The following ADGRV1 variants were observed in gnomAD, a reference collection of about 807,000 sequenced individuals.
The protein encoded by ADGRV1 is adhesion G protein-coupled receptor V1.
Under a neutral mutation model 596.2 loss-of-function variants are expected in ADGRV1, and 359 were observed. That is an observed-to-expected ratio of 0.60 (90% CI 0.55 to 0.66). The LOEUF is 0.66. ADGRV1 is among the 30% of genes least tolerant of loss of function. The pLI, the probability that ADGRV1 is intolerant of heterozygous loss-of-function variation, is 0.00. For synonymous variants in ADGRV1, 2,681 were observed against 2,679.2 expected (o/e 1.00, Z -0.02); for missense variants, 7,274 against 7,575.6 (o/e 0.96, Z 1.48).
chr5:91,017,280 T>C (rs1168353736), intron 85 of ADGRV1, among the ~76,000 whole-genome samples: 14 of 151,948 alleles, frequency 9.2e-5, no homozygotes, highest in Admixed American at 9.2e-4. Context: ...TGTATTCTAA[T>C]GTGAAAGATA....
chr5:90,784,494 G>A (rs1328568561), intron 67 of ADGRV1, among the ~76,000 whole-genome samples: 1 of 152,152 alleles, frequency 6.6e-6, no homozygotes, highest in Non-Finnish European at 1.5e-5. Context: ...AAAATTGGGA[G>A]ACACAATTGC....
intron 82 of ADGRV1, among the ~76,000 whole-genome samples, chr5:90,862,314 GA>G (rs5869526): frequency 1 from 151,956 of 152,092 alleles, 75,910 homozygotes; most frequent in Middle Eastern, 1. Flanking sequence ...GCCTTAAAAT[GA>G]AAAAAACCTT....
At chr5:90,825,810 A>G (rs1234221051) in intron 76 of ADGRV1, 1 of 152,186 alleles carries the variant, frequency 6.6e-6, no homozygotes, top group Non-Finnish European at 1.5e-5. Context: ...TGTTTTCCTA[A>G]CTAGAGAAAT....
At chr5:90,931,161 C>T (rs533300273) in intron 83 of ADGRV1, 3 of 152,174 alleles carry the variant, frequency 2.0e-5, no homozygotes, top group East Asian at 1.9e-4. Flanking sequence ...CAGGCAGATC[C>T]GACAGAATGT....
At chr5:90,630,802 A>G (rs745721423) in intron 9 of ADGRV1, among the ~76,000 whole-genome samples, 6 of 151,966 alleles carry the variant, frequency 3.9e-5, no homozygotes, top group Admixed American at 1.3e-4. Context: ...CCTTTTCTGT[A>G]TGTTATCTTC....
rs747049646 is a variant in ADGRV1, at chr5:90,778,435, C to T, written c.12675C>T (p.Asn4225=). ...SAVIVVIQAL[N]DDIPEEKSFY... is the part of the protein sequence containing the mutation. ...TCTTTGTCTTTTTCTAGGCTTTGAA[C>T]GATGACATTCCCGAGGAAAAAAGCT... The change falls in exon 63 of 90, where the codon AAC becomes AAT. Residue 4225 remains asparagine, a synonymous_variant. Coordinates refer to ENST00000405460, the MANE Select transcript of ADGRV1 (RefSeq NM_032119.4). 6.9e-5 allele frequency: 111 copies of T among 1,612,070 alleles called. No individual in the cohort carries two copies. Among genetic ancestry groups the T allele is most frequent in the Non-Finnish European group, 9.0e-5 (106 of 1,179,088 alleles).
chr5:90,652,633 A>G, intron 19 of ADGRV1, 70 bp downstream of exon 19: 3 of 959,716 alleles, frequency 3.1e-6, no homozygotes, highest in Non-Finnish European at 3.0e-6. Flanking sequence ...TTTTATACTT[A>G]GATAATTAGA....
Position 90,621,893 on chromosome 5 carries a change from G to T in ADGRV1, c.454-704G>T, listed in dbSNP as rs569580924. ...CAGTATATGTCAGGTACTAGGATAA[G>T]CACTTGATGTGAACTATCGCATTGA... is the stretch of plus-strand genomic sequence containing the variant. On this transcript the variant is annotated intron_variant, in intron 4 of 89. Transcript: ENST00000405460. Among the ~76,000 whole-genome samples the T allele has an allele frequency of 7.2e-5, 11 of 152,258 alleles. No individual in the cohort carries two copies. The South Asian group carries it at 2.1e-3, about 29-fold the overall frequency.
At chr5:91,048,185 T>G (rs1785996785) in intron 85 of ADGRV1, among the ~76,000 whole-genome samples, 3 of 152,238 alleles carry the variant, frequency 2.0e-5, no homozygotes, top group Admixed American at 2.0e-4. Flanking sequence ...ATTGGTACTG[T>G]CATAAGTTGG....
rs777590486 is a variant in ADGRV1 at position 90,840,755 on chromosome 5, A to C, written c.16789A>C (p.Ile5597Leu). The change falls in exon 78 of 90, where the codon ATT (isoleucine) becomes CTT (leucine). Residue 5597 changes from isoleucine to leucine, a missense_variant. Ile to Leu is a conservative substitution (Grantham distance 5, BLOSUM62 2). Transcript: ENST00000405460. Reference protein sequence around the residue: ...SLNSFPKRFQIVLFDPKGGAR... With the variant: ...SLNSFPKRFQLVLFDPKGGAR... ...AAATTCATTTCCTAAACGCTTCCAG[A>C]TTGTCCTTTTTGACCCAAAAGGTGG... 8 of 1,613,980 alleles carry C rather than the reference A, an allele frequency of 5.0e-6. No individual in the cohort carries two copies. Among genetic ancestry groups the C allele is most frequent in the Non-Finnish European group, 6.8e-6 (8 of 1,179,878 alleles).
chr5:91,093,037 A>C (rs925944571), intron 86 of ADGRV1, among the ~76,000 whole-genome samples: 4 of 152,230 alleles, frequency 2.6e-5, no homozygotes, highest in African/African-American at 7.2e-5. Flanking sequence ...CGCTTAGCAC[A>C]GTAGGTATTC....
intron 83 of ADGRV1, among the ~76,000 whole-genome samples, chr5:90,920,187 G>A (rs1773753821): frequency 6.6e-6 from 1 of 151,996 alleles, no homozygotes; most frequent in Non-Finnish European, 1.5e-5. Context: ...TCTGGTGAGG[G>A]CCCACTTCCT....
At chr5:90,610,496 CTAAG>C (rs1762609791) in intron 1 of ADGRV1, among the ~76,000 whole-genome samples, 1 of 151,826 alleles carries the variant, frequency 6.6e-6, no homozygotes, top group African/African-American at 2.4e-5. Flanking sequence ...CTTAGTTTGT[CTAAG>C]TGTCTTATTA....
At chr5:91,009,706 G>A (rs1343276541) in intron 85 of ADGRV1, among the ~76,000 whole-genome samples, 1 of 151,940 alleles carries the variant, frequency 6.6e-6, no homozygotes, top group Admixed American at 6.6e-5. Context: ...TAGCTAAAGA[G>A]AAATTAATTA....
intron 86 of ADGRV1, among the ~76,000 whole-genome samples, chr5:91,093,160 A>G (rs1790532447): frequency 6.6e-6 from 1 of 152,254 alleles, no homozygotes; most frequent in Admixed American, 6.5e-5. Context: ...CTTACGGTAC[A>G]GAGAAGTTAA....
chr5:91,016,325 C>T (rs1376240934), intron 85 of ADGRV1, among the ~76,000 whole-genome samples: 1 of 151,884 alleles, frequency 6.6e-6, no homozygotes. Context: ...CCTGGAGGGT[C>T]CTTGTTCTTA....
At chr5:90,856,527 T>A (rs1200081232) in intron 82 of ADGRV1, among the ~76,000 whole-genome samples, 3 of 152,208 alleles carry the variant, frequency 2.0e-5, no homozygotes, top group Non-Finnish European at 4.4e-5. Context: ...AATTATATGG[T>A]CGGGCATCTG....
intron 53 of ADGRV1, among the ~76,000 whole-genome samples, chr5:90,751,222 G>A (rs1366466536): frequency 6.6e-6 from 1 of 152,158 alleles, no homozygotes; most frequent in Non-Finnish European, 1.5e-5. Context: ...AGAGGGAGAA[G>A]TTGATCCACA....
intron 21 of ADGRV1, among the ~76,000 whole-genome samples, chr5:90,659,019 TG>T (rs1482090595): frequency 1.3e-5 from 2 of 152,192 alleles, no homozygotes; most frequent in Non-Finnish European, 2.9e-5. Flanking sequence ...TTTTTAAAAA[TG>T]GATGAGTAGA....
Sources: allele counts gnomAD v4.1 joint callset (sites outside exome capture counted in the v4.1 genomes callset), GRCh38; gene constraint gnomAD v4.1.1; transcripts MANE v1.5; gene names NCBI Gene and HGNC (gene_info 2026-07-23, HGNC 2026-07-21).